HERC5: variants seen among roughly 807,000 people sequenced by gnomAD.
HERC5 encodes the protein HECT and RLD domain containing E3 ubiquitin protein ligase 5.
In HERC5, 99 loss-of-function variants were observed where a neutral mutation model predicts 119.6. The observed-to-expected ratio is 0.83, with a 90% CI of 0.70 to 0.98. The LOEUF is 0.98. Among genes scored for constraint, HERC5 ranks in the 50% least tolerant of loss-of-function variants. HERC5 has a pLI of 0.00. For missense variants in HERC5, 1,267 were observed against 1,241.3 expected, an observed-to-expected ratio of 1.02 and a Z score of -0.31; for synonymous variants, 478 against 445.9, an observed-to-expected ratio of 1.07 and a Z score of -0.91.
At chr4:88,466,347 G>T (rs985463779) in intron 6 of HERC5, among the ~76,000 whole-genome samples, 2 of 152,170 alleles carry the variant, frequency 1.3e-5, no homozygotes, top group Non-Finnish European at 2.9e-5. Context: ...CTCCCAAAGT[G>T]CTGGGATTAC....
At position 88,495,685 on chromosome 4, in the gene HERC5, G is replaced by A. The variant is rs867438995; in HGVS notation, c.2444+1354G>A. On this transcript the variant is annotated intron_variant, in intron 18 of 22. Coordinates refer to ENST00000264350, the MANE Select transcript of HERC5 (RefSeq NM_016323.4). ...GCTCAAGGCCCCATAATGGCAGAAC[G>A]ATGATCTGAACACAGTCTGGCTCCA... is the stretch of plus-strand genomic sequence containing the variant. 3.3e-5 allele frequency among the ~76,000 whole-genome samples: 5 copies of A among 152,196 alleles called. No individual in the cohort carries two copies. The South Asian group carries it at 8.3e-4, about 25-fold the overall frequency.
Position 88,457,322 on chromosome 4 carries a change from G to A in HERC5, c.53G>A (p.Gly18Asp), listed in dbSNP as rs1740183471. The A allele has an allele frequency of 2.9e-6, 4 of 1,393,224 alleles. No homozygotes were observed. Among genetic ancestry groups the A allele is most frequent in the African/African-American group, 3.0e-5 (2 of 66,202 alleles). The allele number at this position is 1,393,224 out of a possible 1,614,324, so 86.3% of individuals were successfully genotyped here. A position where few individuals can be genotyped will look rare whatever the true frequency, so the allele number is the denominator to read the frequency against. ...KSRRNGRSTA[G>D]KAAATQPAKS... ...CGGCGCAACGGGCGCTCGACCGCGG[G>A]CAAGGCCGCCGCGACCCAGCCCGCG... is the stretch of plus-strand genomic sequence containing the variant. The change falls in exon 1 of 23, where the codon GGC (glycine) becomes GAC (aspartate). Residue 18 changes from glycine (G) to aspartate (D), a missense_variant. Around this residue, in one of 3 missense-constraint regions of HERC5, gnomAD observed 777 missense variants for 758.0 expected, o/e 1.03. Transcript: ENST00000264350.
At chr4:88,484,739 A>G (rs1444778427) in intron 13 of HERC5, among the ~76,000 whole-genome samples, 1 of 152,162 alleles carries the variant, frequency 6.6e-6, no homozygotes, top group East Asian at 1.9e-4. Context: ...TGGACTCCCT[A>G]ATTTGAACAG....
In HERC5 at chr4:88,472,156, T is replaced by C. The variant is rs140547631; in HGVS notation, c.1299-253T>C. On this transcript the variant is annotated intron_variant, in intron 10 of 22. Coordinates refer to ENST00000264350, the MANE Select transcript of HERC5 (RefSeq NM_016323.4). ...TTTTTTTTAAACTGGGAAATATTAATTTTTTTAATCTATTACAGATAAGAC... is the reference window on the plus strand; with the variant it reads ...TTTTTTTTAAACTGGGAAATATTAACTTTTTTAATCTATTACAGATAAGAC... 1.3e-3 allele frequency among the ~76,000 whole-genome samples: 191 copies of C among 152,168 alleles called. 1 individual carries two copies. The highest frequency in any genetic ancestry group is 4.5e-3 in the African/African-American group (185 of 41,524).
At chr4:88,492,003 T>TATTC (rs1258208247) in intron 16 of HERC5, among the ~76,000 whole-genome samples, 5 of 151,902 alleles carry the variant, frequency 3.3e-5, no homozygotes, top group Non-Finnish European at 5.9e-5. Context: ...TGATTTTTAT[T>TATTC]ATTTATTTAT....
chr4:88,469,185 T>C lies in HERC5; in HGVS notation c.1163T>C (p.Ile388Thr). The change falls in exon 9 of 23, where the codon ATT becomes ACT. Residue 388 changes from isoleucine to threonine, a missense_variant. Around this residue, in one of 3 missense-constraint regions of HERC5, gnomAD observed 777 missense variants for 758.0 expected, o/e 1.03. Coordinates refer to ENST00000264350, the MANE Select transcript of HERC5 (RefSeq NM_016323.4). Reference sequence around the variant, plus strand: ...TCATATGTTAATCTGAAGAGGACAATTCCTACTCTGAATGAAGGGACTGTA... The same window carrying C: ...TCATATGTTAATCTGAAGAGGACAACTCCTACTCTGAATGAAGGGACTGTA... The part of the protein sequence containing the change: ...ENSYVNLKRT[I>T]PTLNEGTVKR... 6.2e-7 allele frequency: 1 copy of C among 1,611,958 alleles called. No individual in the cohort carries two copies. The highest frequency in any genetic ancestry group is 8.5e-7 in the Non-Finnish European group (1 of 1,178,160).
intron 11 of HERC5, among the ~76,000 whole-genome samples, chr4:88,474,109 C>G (rs1740967551): frequency 2.0e-5 from 3 of 152,150 alleles, no homozygotes; most frequent in African/African-American, 4.8e-5. Flanking sequence ...AGACATACTC[C>G]CTGTGCTTTA....
At chr4:88,476,899 G>A (rs774483809) in intron 12 of HERC5, among the ~76,000 whole-genome samples, 43 of 150,942 alleles carry the variant, frequency 2.8e-4, no homozygotes, top group Admixed American at 5.3e-4. Flanking sequence ...CAGCCTGGGC[G>A]ACAGAGTGAG....
rs1014000962 is a variant in HERC5, at chr4:88,469,171, T to C, written c.1149T>C (p.Asn383=). 32 of 1,607,422 alleles carry C rather than the reference T, an allele frequency of 2.0e-5. No homozygotes were observed. In the Middle Eastern group the frequency reaches 6.6e-4, roughly 33 times the overall value. The change falls in exon 9 of 23, where the codon AAT becomes AAC. Residue 383 remains asparagine, a synonymous_variant. Coordinates refer to ENST00000264350, the MANE Select transcript of HERC5 (RefSeq NM_016323.4). ...LWIKKENSYV[N]LKRTIPTLNE... is the part of the protein sequence containing the mutation. ...TTTGTTTACAGAATTCATATGTTAA[T>C]CTGAAGAGGACAATTCCTACTCTGA...
chr4:88,459,479 C>T lies in HERC5; in HGVS notation c.389+9C>T, dbSNP rs1178873414. ...AGCATGAAACATCTAAGGTAGGGAA[C>T]TTTTTTCTTTTATTAAAAATTAATT... On this transcript the variant is annotated intron_variant, in intron 2 of 22. Coordinates refer to ENST00000264350, the MANE Select transcript of HERC5 (RefSeq NM_016323.4). 6.7e-7 allele frequency: 1 copy of T among 1,490,248 alleles called. No homozygotes were observed. The highest frequency in any genetic ancestry group is 9.0e-7 in the Non-Finnish European group (1 of 1,111,260). 92.3% of individuals were successfully genotyped at this position (1,490,248 alleles called of 1,614,324 possible).
chr4:88,487,568 G>A lies in HERC5; in HGVS notation c.1962+389G>A, dbSNP rs138781114. ...GAGGCACAATCTAATGAAAAGATAC[G>A]GTAGCAGGAATAGAAGTGGCTGAGG... is the stretch of plus-strand genomic sequence containing the variant. On this transcript the variant is annotated intron_variant, in intron 15 of 22. Coordinates refer to ENST00000264350, the MANE Select transcript of HERC5 (RefSeq NM_016323.4). Among the ~76,000 whole-genome samples, 192 of 152,236 alleles carry A rather than the reference G, an allele frequency of 1.3e-3. 1 individual carries two copies. Among genetic ancestry groups the A allele is most frequent in the African/African-American group, 4.4e-3 (183 of 41,538 alleles).
intron 6 of HERC5, among the ~76,000 whole-genome samples, chr4:88,465,574 T>C (rs190700135): frequency 1.3e-5 from 2 of 152,346 alleles, no homozygotes; most frequent in East Asian, 3.9e-4. Flanking sequence ...TCGGTATCTC[T>C]TAACCAAAGC....
Position 88,464,299 on chromosome 4 carries a change from G to A in HERC5, c.911+314G>A, listed in dbSNP as rs544637515. Among the ~76,000 whole-genome samples, 4 of 150,820 alleles carry A rather than the reference G, an allele frequency of 2.7e-5. No homozygotes were observed. In the East Asian group the frequency reaches 7.8e-4, roughly 29 times the overall value. ...AAACAAGTCATTAATTGTTTATTTG[G>A]GAAAAATAAAATGTAAATCACAAAG... is the stretch of plus-strand genomic sequence containing the variant. On this transcript the variant is annotated intron_variant, in intron 6 of 22. Transcript: ENST00000264350.
intron 20 of HERC5, 131 bp downstream of exon 20, chr4:88,501,116 G>A: frequency 1.6e-6 from 1 of 621,962 alleles, no homozygotes; most frequent in South Asian, 2.1e-5. Context: ...AGAAGTTGGT[G>A]TGTGTTGTAT....
In HERC5 at chr4:88,457,565, G is replaced by A. The variant is rs1223370457; in HGVS notation, c.265+31G>A. On this transcript the variant is annotated intron_variant, in intron 1 of 22. Transcript: ENST00000264350. ...TGGGGCTGGTGTGTGAGGGCTGTGA[G>A]GGCTGTGAGGGGTGAGGGCTGAGGG... 4.8e-6 allele frequency: 6 copies of A among 1,246,554 alleles called. 1 individual carries two copies. 77.2% of individuals were successfully genotyped at this position (1,246,554 alleles called of 1,614,324 possible). A position where few individuals can be genotyped will look rare whatever the true frequency, so the allele number is the denominator to read the frequency against.
rs780733759 is a variant in HERC5, at chr4:88,463,561, C to A, written c.718C>A (p.Leu240Ile). The change falls in exon 5 of 23, where the codon CTA (leucine) becomes ATA (isoleucine). Residue 240 changes from leucine (L) to isoleucine (I), a missense_variant. By Grantham distance (5) the Leu-to-Ile change is conservative (BLOSUM62 2). This residue lies in a region of HERC5 where 777 missense variants were observed against 758.0 expected (regional missense o/e 1.03). Transcript: ENST00000264350. ...AGATGATCCATCCCTTATTGAAGGA[C>A]TAGACAATCAGAAAGTTGAATTTGT... ...SKDDPSLIEG[L>I]DNQKVEFVAC... The A allele has an allele frequency of 6.2e-7, 1 of 1,613,694 alleles. No homozygotes were observed. Among genetic ancestry groups the A allele is most frequent in the South Asian group, 1.1e-5 (1 of 91,072 alleles).
intron 15 of HERC5, 56 bp downstream of exon 15, chr4:88,487,235 A>G (rs1741497180): frequency 1.0e-6 from 1 of 963,424 alleles, no homozygotes; most frequent in Non-Finnish European, 1.6e-6. Context: ...CGCCTTCTTA[A>G]TCATGCAGTA....
rs746986539 is a variant in HERC5, at chr4:88,504,235, A to T, written c.2586A>T (p.Arg862Ser). ...SSITVNQTNK[R>S]DYVSKYINYI... is the part of the protein sequence containing the mutation. Reference sequence around the variant, plus strand: ...ATAACATTTTGTTTTATTAAAGGAGAGACTATGTTTCTAAGTATATCAATT... The same window carrying T: ...ATAACATTTTGTTTTATTAAAGGAGTGACTATGTTTCTAAGTATATCAATT... The change falls in exon 21 of 23, where the codon AGA (arginine) becomes AGT (serine). Residue 862 changes from arginine to serine, a missense_variant. Physicochemically the swap from Arg to Ser is moderately radical, Grantham distance 110. This residue lies in a region of HERC5 where 473 missense variants were observed against 445.7 expected (regional missense o/e 1.06). Transcript: ENST00000264350. 6.3e-7 allele frequency: 1 copy of T among 1,580,054 alleles called. No individual in the cohort carries two copies.
rs777432412 is a variant in HERC5, at chr4:88,462,318, A to T, written c.650A>T (p.Lys217Ile). The T allele has an allele frequency of 3.1e-6, 5 of 1,614,248 alleles. No homozygotes were observed. The highest frequency in any genetic ancestry group is 3.3e-5 in the Admixed American group (2 of 60,032). The change falls in exon 4 of 23, where the codon AAA becomes ATA. Residue 217 changes from lysine (K) to isoleucine (I), a missense_variant. Around this residue, in one of 3 missense-constraint regions of HERC5, gnomAD observed 777 missense variants for 758.0 expected, o/e 1.03. Coordinates refer to ENST00000264350, the MANE Select transcript of HERC5 (RefSeq NM_016323.4). ...SMSGNIYSWG[K>I]NECGQLGLGH... ...TCTGGCAACATTTATTCATGGGGAA[A>T]AAATGAATGTGGACAACTAGGCCTG...
Sources: allele counts gnomAD v4.1 joint callset (sites outside exome capture counted in the v4.1 genomes callset), GRCh38; gene constraint gnomAD v4.1.1; regional missense constraint gnomAD v4.1.1; transcripts MANE v1.5; gene names NCBI Gene and HGNC (gene_info 2026-07-23, HGNC 2026-07-21).